STAB2: variants seen among roughly 807,000 people sequenced by gnomAD.
STAB2 encodes the protein stabilin 2, also known as stabilin-2.
STAB2 carries 288 observed loss-of-function variants against 338.1 expected under a neutral mutation model. The ratio of observed to expected loss-of-function variants is 0.85; its 90% CI spans 0.77 to 0.94. The LOEUF (loss-of-function observed/expected upper bound fraction) is 0.94, where lower values mean the gene tolerates loss of function less well. Among genes scored for constraint, STAB2 ranks in the 40% least tolerant of loss-of-function variants. The pLI, the probability that STAB2 is intolerant of heterozygous loss-of-function variation, is 0.00. For missense variants in STAB2, 3,141 were observed against 3,210.1 expected (o/e 0.98, Z 0.52); for synonymous variants, 1,202 against 1,193.3 (o/e 1.01, Z -0.15).
At chr12:103,671,303 T>C (rs1282126462) in intron 22 of STAB2, among the ~76,000 whole-genome samples, 1 of 152,004 alleles carries the variant, frequency 6.6e-6, no homozygotes, top group East Asian at 1.9e-4. Flanking sequence ...AATACAAAAA[T>C]TAGCAGGGTG....
intron 63 of STAB2, 156 bp from the exon 64 acceptor site, chr12:103,758,014 C>A: frequency 9.2e-7 from 1 of 1,092,630 alleles, no homozygotes; most frequent in Non-Finnish European, 1.3e-6. Context: ...CAAACTCTCC[C>A]ACGGCGCAGG....
chr12:103,757,892 A>G (rs1330552184), intron 63 of STAB2: 1 of 441,290 alleles, frequency 2.3e-6, no homozygotes, highest in African/African-American at 2.0e-5. Context: ...TTTTGAGAAG[A>G]CTCGAGATTT....
chr12:103,732,819 A>G (rs1182851041), intron 50 of STAB2, among the ~76,000 whole-genome samples, 187 bp from the exon 51 acceptor site: 1 of 152,148 alleles, frequency 6.6e-6, no homozygotes, highest in Non-Finnish European at 1.5e-5. Context: ...ATAAGAAAAA[A>G]AATTGTAGGT....
At chr12:103,672,547 G>C (rs1055868234) in intron 22 of STAB2, among the ~76,000 whole-genome samples, 2 of 152,104 alleles carry the variant, frequency 1.3e-5, no homozygotes, top group African/African-American at 4.8e-5. Context: ...TTCCAGGCCC[G>C]CTCACTTGTG....
chr12:103,674,091 G>A lies in STAB2; in HGVS notation c.2552+4G>A, dbSNP rs763107378. The A allele has an allele frequency of 5.0e-6, 8 of 1,604,972 alleles. No individual in the cohort carries two copies. The highest frequency in any genetic ancestry group is 1.1e-5 in the South Asian group (1 of 90,848). ...AATACAGCAATGGGACAGCCAGGTA[G>A]GTCTGTGAGGGAATGGCCCTTAATG... On this transcript the variant is annotated splice_donor_region_variant and intron_variant, in intron 23 of 68. Coordinates refer to ENST00000388887, the MANE Select transcript of STAB2 (RefSeq NM_017564.10).
chr12:103,605,200 C>A (rs1359287435), intron 3 of STAB2, among the ~76,000 whole-genome samples: 1 of 151,788 alleles, frequency 6.6e-6, no homozygotes, highest in Non-Finnish European at 1.5e-5. Flanking sequence ...TCAGTGAATG[C>A]AAATTAAGAT....
chr12:103,634,747 C>T (rs1429586568), intron 6 of STAB2, among the ~76,000 whole-genome samples: 1 of 152,234 alleles, frequency 6.6e-6, no homozygotes, highest in Non-Finnish European at 1.5e-5. Context: ...CAGCTTCCCC[C>T]TACATGGTGA....
chr12:103,734,791 T>TG (rs1881975798), intron 51 of STAB2, among the ~76,000 whole-genome samples: 1 of 152,172 alleles, frequency 6.6e-6, no homozygotes, highest in South Asian at 2.1e-4. Context: ...ATGAAGGAGC[T>TG]GGCAAGGTTG....
chr12:103,646,024 C>T (rs1395622411), intron 9 of STAB2, among the ~76,000 whole-genome samples: 1 of 152,182 alleles, frequency 6.6e-6, no homozygotes, highest in African/African-American at 2.4e-5. Flanking sequence ...TGGCTCACAC[C>T]TGTAATCCCA....
At chr12:103,726,034 C>G in intron 45 of STAB2, 82 bp from the exon 46 acceptor site, 1 of 1,475,436 alleles carries the variant, frequency 6.8e-7, no homozygotes, top group Non-Finnish European at 9.4e-7. Context: ...GAAGGGATGG[C>G]AGAGAAATCA....
chr12:103,755,285 T>A lies in STAB2; in HGVS notation c.6715-17T>A. ...TGAACTTGCAGCTGACCCATGGCCCTGTCTGTATCCCTGCAGGCCAAGTAC... is the reference window on the plus strand; with the variant it reads ...TGAACTTGCAGCTGACCCATGGCCCAGTCTGTATCCCTGCAGGCCAAGTAC... On this transcript the variant is annotated splice_polypyrimidine_tract_variant and intron_variant, in intron 61 of 68. Coordinates refer to ENST00000388887, the MANE Select transcript of STAB2 (RefSeq NM_017564.10). The A allele has an allele frequency of 6.2e-7, 1 of 1,612,526 alleles. No homozygotes were observed. The highest frequency in any genetic ancestry group is 8.5e-7 in the Non-Finnish European group (1 of 1,179,394).
chr12:103,747,096 A>G (rs1883118842), intron 58 of STAB2, among the ~76,000 whole-genome samples: 1 of 151,798 alleles, frequency 6.6e-6, no homozygotes, highest in Non-Finnish European at 1.5e-5. Flanking sequence ...AGCTGGGATT[A>G]CAGGCATGCG....
chr12:103,660,597 C>A (rs958837146), intron 16 of STAB2, 86 bp from the exon 17 acceptor site: 1 of 1,460,856 alleles, frequency 6.8e-7, no homozygotes, highest in Admixed American at 1.8e-5. Context: ...ACTTTGAAAC[C>A]TATTTTTTCT....
chr12:103,750,488 T>A, intron 59 of STAB2, 91 bp from the exon 60 acceptor site: 1 of 1,543,104 alleles, frequency 6.5e-7, no homozygotes, highest in Non-Finnish European at 8.8e-7. Flanking sequence ...TCTGAACACC[T>A]CCTAGGCTGG....
At chr12:103,720,643 T>C (rs1432627008) in intron 44 of STAB2, among the ~76,000 whole-genome samples, 1 of 152,244 alleles carries the variant, frequency 6.6e-6, no homozygotes, top group Non-Finnish European at 1.5e-5. Context: ...CAATTATTTC[T>C]GCTCAAGTCC....
intron 18 of STAB2, 23 bp from the exon 19 acceptor site, chr12:103,666,268 T>A (rs546354463): frequency 6.2e-7 from 1 of 1,613,362 alleles, no homozygotes; most frequent in Non-Finnish European, 8.5e-7. Flanking sequence ...ACACCTGCAC[T>A]GACCTCCTGT....
rs542183788 is a variant in STAB2, at chr12:103,699,169, A to G, written c.3656A>G (p.His1219Arg). ...LLKNDLHNGM[H>R]RETMLGFSYF... ...AAGAATGACCTGCACAATGGCATGC[A>G]TCGTGAGACCATGCTGGGTTTCTCC... The change falls in exon 34 of 69, where the codon CAT (histidine) becomes CGT (arginine). Residue 1219 changes from histidine to arginine, a missense_variant. Physicochemically the swap from His to Arg is conservative, Grantham distance 29 (BLOSUM62 0). Transcript: ENST00000388887. The G allele has an allele frequency of 9.9e-6, 16 of 1,613,668 alleles. No individual in the cohort carries two copies. In the African/African-American group the frequency reaches 1.2e-4, roughly 12 times the overall value.
intron 22 of STAB2, among the ~76,000 whole-genome samples, chr12:103,671,998 C>G (rs1863877): frequency 0.32 from 48,154 of 152,064 alleles, 7,807 homozygotes; most frequent in South Asian, 0.44. Flanking sequence ...ATTTCTTCAC[C>G]TATAAAATGA....
At chr12:103,703,335 T>C in intron 35 of STAB2, 59 bp downstream of exon 35, 1 of 1,582,728 alleles carries the variant, frequency 6.3e-7, no homozygotes, top group Non-Finnish European at 8.5e-7. Context: ...TTTTTTTATA[T>C]AATTTTGGGG....
Sources: allele counts gnomAD v4.1 joint callset (sites outside exome capture counted in the v4.1 genomes callset), GRCh38; gene constraint gnomAD v4.1.1; transcripts MANE v1.5; gene names NCBI Gene and HGNC (gene_info 2026-07-23, HGNC 2026-07-21).